The following AGPAT2 variants were observed in gnomAD, a reference collection of about 807,000 sequenced individuals.
AGPAT2 encodes 1-acyl-sn-glycerol-3-phosphate acyltransferase beta.
A neutral mutation model predicts 26.1 loss-of-function variants in AGPAT2; 18 were observed. That is an observed-to-expected ratio of 0.69 (90% CI 0.48 to 1.02). AGPAT2 has a LOEUF of 1.02. AGPAT2 is among the 50% of genes least tolerant of loss of function. The pLI is 0.00. For missense variants in AGPAT2, 415 were observed against 394.9 expected (o/e 1.05, Z -0.43); for synonymous variants, 200 against 174.2 (o/e 1.15, Z -1.16).
At chr9:136,679,510 C>G (rs1316739849) in intron 1 of AGPAT2, among the ~76,000 whole-genome samples, 2 of 152,200 alleles carry the variant, frequency 1.3e-5, no homozygotes, top group Non-Finnish European at 2.9e-5. Flanking sequence ...AAGGCACACC[C>G]GGGCTGGTAG....
At chr9:136,683,462 A>G (rs1846186834) in intron 1 of AGPAT2, among the ~76,000 whole-genome samples, 1 of 152,104 alleles carries the variant, frequency 6.6e-6, no homozygotes, top group Non-Finnish European at 1.5e-5. Flanking sequence ...CAGCTGCGTG[A>G]GCTCATTCAG....
In AGPAT2 at chr9:136,677,155, G is replaced by C; in HGVS notation, c.317-19C>G. The C allele has an allele frequency of 6.2e-7, 1 of 1,612,222 alleles. No homozygotes were observed. Among genetic ancestry groups the C allele is most frequent in the African/African-American group, 1.3e-5 (1 of 75,046 alleles). On this transcript the variant is annotated intron_variant, in intron 2 of 5. Transcript: ENST00000371696. ...ATGAGGCCTGGGAGACAGAGAGACA[G>C]AGACAGAGAGAGAGGGGGAGACAGC...
chr9:136,676,909 G>GGCCCCC, intron 3 of AGPAT2, 52 bp downstream of exon 3: 13 of 1,460,812 alleles, frequency 8.9e-6, no homozygotes, highest in African/African-American at 1.4e-5. Flanking sequence ...CCCCTGCCTG[G>GGCCCCC]CCCCGCCCAG....
chr9:136,682,128 C>T (rs933661555), intron 1 of AGPAT2, among the ~76,000 whole-genome samples: 8 of 152,322 alleles, frequency 5.3e-5, no homozygotes, highest in African/African-American at 7.2e-5. Flanking sequence ...GAGCCCCCCT[C>T]GGAACCCTGC....
chr9:136,676,991 G>A lies in AGPAT2; in HGVS notation c.462C>T (p.Ala154=), dbSNP rs765801996. Residue 154 remains alanine, a synonymous_variant, in exon 3 of 6, where the codon GCC becomes GCT. Coordinates refer to ENST00000371696, the MANE Select transcript of AGPAT2 (RefSeq NM_006412.4). The part of the protein sequence containing the change: ...QRSSTAMTVM[A]DLGERMVREN... ...CCCTGACCATGCGCTCGCCCAGGTC[G>A]GCCATCACTGTCATGGCAGTGCTAG... The A allele has an allele frequency of 1.4e-5, 22 of 1,607,786 alleles. No homozygotes were observed. In the Admixed American group the frequency reaches 1.7e-4, roughly 12 times the overall value.
At chr9:136,684,613 C>T (rs2131020689) in intron 1 of AGPAT2, among the ~76,000 whole-genome samples, 1 of 152,310 alleles carries the variant, frequency 6.6e-6, no homozygotes, top group Non-Finnish European at 1.5e-5. Context: ...GATGGAGCGC[C>T]CCTCCCAGAG....
chr9:136,682,000 C>G (rs1327203552), intron 1 of AGPAT2, among the ~76,000 whole-genome samples: 1 of 152,098 alleles, frequency 6.6e-6, no homozygotes, highest in African/African-American at 2.4e-5. Flanking sequence ...CTGACAGTAA[C>G]CCCCCAGGGT....
intron 1 of AGPAT2, 68 bp from the exon 2 acceptor site, chr9:136,677,624 T>G: frequency 6.4e-7 from 1 of 1,561,844 alleles, no homozygotes; most frequent in Non-Finnish European, 8.7e-7. Flanking sequence ...CGCGAAGGCC[T>G]GGGGGTGGGG....
At chr9:136,685,755 C>G (rs1217133338) in intron 1 of AGPAT2, among the ~76,000 whole-genome samples, 1 of 152,016 alleles carries the variant, frequency 6.6e-6, no homozygotes, top group Admixed American at 6.5e-5. Context: ...CGCCCCTACT[C>G]TGAAGCACCC....
At chr9:136,674,132 T>C (rs1340518324) in intron 5 of AGPAT2, among the ~76,000 whole-genome samples, 1 of 151,936 alleles carries the variant, frequency 6.6e-6, no homozygotes, top group Non-Finnish European at 1.5e-5. Flanking sequence ...TGCCTGGCCT[T>C]CACGCCGCAT....
chr9:136,675,847 T>G (rs910479028), intron 4 of AGPAT2, among the ~76,000 whole-genome samples: 6 of 152,132 alleles, frequency 3.9e-5, no homozygotes, highest in Admixed American at 1.3e-4. Context: ...CGGCCTTAGC[T>G]GGGAGCCTCT....
In AGPAT2 at chr9:136,674,745, G is replaced by A. The variant is rs1564290043; in HGVS notation, c.651C>T (p.Phe217=). The A allele has an allele frequency of 2.0e-6, 3 of 1,505,332 alleles. No individual in the cohort carries two copies. The highest frequency in any genetic ancestry group is 2.5e-5 in the East Asian group (1 of 39,254). 93.2% of individuals were successfully genotyped at this position (1,505,332 alleles called of 1,614,324 possible). ...FSSFYNTKKK[F]FTSGTVTVQV... ...CACATGTGGGGGTACCTGAAGTGAA[G>A]AACTTCTTCTTGGTGTTGTAGAAGG... The change falls in exon 5 of 6, where the codon TTC becomes TTT. Residue 217 remains phenylalanine (F), a synonymous_variant. Transcript: ENST00000371696.
rs771547310 is a variant in AGPAT2 at position 136,674,774 on chromosome 9, A to G, written c.622T>C (p.Ser208Pro). 2 of 1,536,088 alleles carry G rather than the reference A, an allele frequency of 1.3e-6. No homozygotes were observed. The highest frequency in any genetic ancestry group is 1.4e-5 in the African/African-American group (1 of 71,250). The change falls in exon 5 of 6, where the codon TCC (serine) becomes CCC (proline). Residue 208 changes from serine to proline, a missense_variant. Ser to Pro is a moderately conservative substitution (Grantham distance 74). Coordinates refer to ENST00000371696, the MANE Select transcript of AGPAT2 (RefSeq NM_006412.4). ...PIVPVVYSSF[S>P]SFYNTKKKFF... Reference sequence around the variant, plus strand: ...TTCTTCTTGGTGTTGTAGAAGGAGGAGAAGGAAGAGTACACCACGGGGACG... The same window carrying G: ...TTCTTCTTGGTGTTGTAGAAGGAGGGGAAGGAAGAGTACACCACGGGGACG...
rs1588270346 is a variant in AGPAT2 at position 136,687,407 on chromosome 9, C to T, written c.-50G>A. On this transcript the variant is annotated 5_prime_UTR_variant, in exon 1 of 6. Coordinates refer to ENST00000371696, the MANE Select transcript of AGPAT2 (RefSeq NM_006412.4). Reference sequence around the variant, plus strand: ...CCGCCAGCTCGCTCCCGCTCCCGCTCCCGCTTCTCCCCCGCGCGCTCAGGC... The same window carrying T: ...CCGCCAGCTCGCTCCCGCTCCCGCTTCCGCTTCTCCCCCGCGCGCTCAGGC... 1.5e-6 allele frequency: 2 copies of T among 1,370,332 alleles called. No homozygotes were observed. The highest frequency in any genetic ancestry group is 1.9e-6 in the Non-Finnish European group (2 of 1,064,680). The allele number at this position is 1,370,332 out of a possible 1,614,324, so 84.9% of individuals were successfully genotyped here.
At chr9:136,677,305 C>A in intron 2 of AGPAT2, 118 bp downstream of exon 2, 2 of 1,551,828 alleles carry the variant, frequency 1.3e-6, no homozygotes, top group Middle Eastern at 2.2e-4. Flanking sequence ...GGTACTGAGG[C>A]CGAGCTCGCC....
chr9:136,687,076 G>C, intron 1 of AGPAT2, 100 bp downstream of exon 1: 3 of 1,346,636 alleles, frequency 2.2e-6, no homozygotes, highest in East Asian at 2.9e-5. Context: ...GGAGCGGGGC[G>C]GGACGGGCGG....
At chr9:136,687,098 G>A (rs973954081) in intron 1 of AGPAT2, 78 bp downstream of exon 1, 84 of 1,461,658 alleles carry the variant, frequency 5.7e-5, no homozygotes, top group Non-Finnish European at 7.6e-5. Flanking sequence ...GCAGGAAGGA[G>A]GGAAGCCCAG....
intron 1 of AGPAT2, 22 bp downstream of exon 1, chr9:136,687,154 T>TCCCGGCGGCCCCC (rs778047816): frequency 6.4e-7 from 1 of 1,573,092 alleles, no homozygotes; most frequent in South Asian, 1.1e-5. Flanking sequence ...CCCCGGCCCC[T>TCCCGGCGGCCCCC]CCCGGCGGCC....
intron 1 of AGPAT2, among the ~76,000 whole-genome samples, chr9:136,681,617 CATGG>C (rs766892486): frequency 2.7e-4 from 41 of 152,148 alleles, no homozygotes; most frequent in Non-Finnish European, 5.4e-4. Context: ...GCCTGGCCAC[CATGG>C]TGAAATCCCG....
Sources: allele counts gnomAD v4.1 joint callset (sites outside exome capture counted in the v4.1 genomes callset), GRCh38; gene constraint gnomAD v4.1.1; transcripts MANE v1.5; gene names NCBI Gene and HGNC (gene_info 2026-07-23, HGNC 2026-07-21).